Variants in FKBP5 observed in about 807,000 individuals in gnomAD.
The protein encoded by FKBP5 is peptidyl-prolyl cis-trans isomerase FKBP5.
FKBP5 carries 23 observed loss-of-function variants against 50.5 expected under a neutral mutation model. The ratio of observed to expected loss-of-function variants is 0.46; its 90% CI spans 0.33 to 0.65. The LOEUF is 0.65. Ranked by LOEUF, FKBP5 falls within the 30% of genes least tolerant of loss-of-function variation. FKBP5 has a pLI of 0.02. For synonymous variants in FKBP5, 176 were observed against 190.6 expected, an observed-to-expected ratio of 0.92 and a Z score of 0.63; for missense variants, 411 against 553.1, an observed-to-expected ratio of 0.74 and a Z score of 2.58.
chr6:35,692,917 C>T (rs147225648), upstream of FKBP5, among the ~76,000 whole-genome samples: 1,028 of 151,196 alleles, frequency 6.8e-3, 8 homozygotes, highest in African/African-American at 0.022. Flanking sequence ...TGTTCAAATA[C>T]GATTTCTGTC....
At chr6:35,707,575 G>T (rs141767310) in intron 2 of FKBP5, among the ~76,000 whole-genome samples, 1 of 151,986 alleles carries the variant, frequency 6.6e-6, no homozygotes, top group African/African-American at 2.4e-5. Context: ...AGGTTCAGGG[G>T]TACATGTGCA....
At position 35,628,979 on chromosome 6, in the gene FKBP5, A is replaced by C. The variant is rs140278394; in HGVS notation, c.250+8035T>G. Among the ~76,000 whole-genome samples the C allele has an allele frequency of 3.9e-3, 596 of 152,326 alleles. 5 individuals are homozygous for C. The highest frequency in any genetic ancestry group is 0.011 in the African/African-American group (472 of 41,568). ...TGATCTGCCCGCCTCGGCCTCCCAA[A>C]GTGCCGGGATTACAGGCATGAGCCA... On this transcript the variant is annotated intron_variant, in intron 3 of 10. Coordinates refer to ENST00000357266, the MANE Select transcript of FKBP5 (RefSeq NM_004117.4).
intron 5 of FKBP5, among the ~76,000 whole-genome samples, chr6:35,613,383 T>C (rs1054725484): frequency 6.6e-6 from 1 of 152,006 alleles, no homozygotes; most frequent in Non-Finnish European, 1.5e-5. Flanking sequence ...CCCAGCTAAT[T>C]GTTTGTATTT....
intron 3 of FKBP5, among the ~76,000 whole-genome samples, chr6:35,633,716 T>A (rs961960505): frequency 6.6e-6 from 1 of 152,134 alleles, no homozygotes; most frequent in Non-Finnish European, 1.5e-5. Context: ...AAGGGTCTCT[T>A]TGTGTTGGTA....
At chr6:35,608,416 G>A (rs931589722) in intron 5 of FKBP5, among the ~76,000 whole-genome samples, 2 of 152,174 alleles carry the variant, frequency 1.3e-5, no homozygotes, top group Non-Finnish European at 2.9e-5. Flanking sequence ...AAGGCAGCTG[G>A]TTGTGGTAGT....
intron 2 of FKBP5, among the ~76,000 whole-genome samples, chr6:35,702,822 A>C (rs1028756070): frequency 6.6e-6 from 1 of 152,150 alleles, no homozygotes; most frequent in African/African-American, 2.4e-5. Context: ...TACATGCAAA[A>C]CCAAAAGCTC....
At chr6:35,717,391 C>T (rs1766529949) in intron 2 of FKBP5, among the ~76,000 whole-genome samples, 1 of 152,158 alleles carries the variant, frequency 6.6e-6, no homozygotes. Flanking sequence ...CCCATGTATT[C>T]ATGTATGTGT....
intron 7 of FKBP5, among the ~76,000 whole-genome samples, chr6:35,589,716 A>C (rs1762754172): frequency 6.6e-6 from 1 of 152,226 alleles, no homozygotes; most frequent in Non-Finnish European, 1.5e-5. Flanking sequence ...CTCTCTCTTT[A>C]ACAATAAAAA....
intron 2 of FKBP5, among the ~76,000 whole-genome samples, chr6:35,641,021 C>T (rs1764470942): frequency 6.6e-6 from 1 of 152,198 alleles, no homozygotes; most frequent in African/African-American, 2.4e-5. Context: ...CACTCTCACC[C>T]AGGCTAGAAT....
intron 1 of FKBP5, among the ~76,000 whole-genome samples, chr6:35,647,138 T>C (rs558155938): frequency 3.5e-4 from 53 of 152,278 alleles, no homozygotes; most frequent in African/African-American, 1.2e-3. Flanking sequence ...AAAACAAAGC[T>C]AAGAGACCAC....
intron 5 of FKBP5, among the ~76,000 whole-genome samples, chr6:35,600,140 TATA>T (rs1461258912): frequency 1.3e-5 from 2 of 152,248 alleles, no homozygotes; most frequent in Admixed American, 6.5e-5. Context: ...GATATGGAAT[TATA>T]ATCTCACGGG....
chr6:35,722,611 T>C (rs1444758975), intron 1 of FKBP5, among the ~76,000 whole-genome samples: 4 of 152,210 alleles, frequency 2.6e-5, no homozygotes, highest in Admixed American at 1.3e-4. Context: ...CTGCACTCCA[T>C]GTCCAGCCAG....
chr6:35,690,438 C>G (rs531631512), upstream of FKBP5, among the ~76,000 whole-genome samples: 2 of 151,698 alleles, frequency 1.3e-5, no homozygotes, highest in South Asian at 4.2e-4. Flanking sequence ...GCACTCCAGC[C>G]TGGGCAACAA....
rs563000544 is a variant in FKBP5, at chr6:35,632,479, T to C, written c.250+4535A>G. Among the ~76,000 whole-genome samples the C allele has an allele frequency of 4.6e-5, 7 of 152,224 alleles. No individual in the cohort carries two copies. In the South Asian group the frequency reaches 1.4e-3, roughly 32 times the overall value. ...TGTTAGGCTGAATGCTAGGCGATGG[T>C]GTACATTATCTTAATCCTCAACATA... On this transcript the variant is annotated intron_variant, in intron 3 of 10. Coordinates refer to ENST00000357266, the MANE Select transcript of FKBP5 (RefSeq NM_004117.4).
At chr6:35,589,617 C>G (rs1762750929) in intron 7 of FKBP5, among the ~76,000 whole-genome samples, 1 of 152,076 alleles carries the variant, frequency 6.6e-6, no homozygotes, top group Non-Finnish European at 1.5e-5. Flanking sequence ...GTCCACTGGG[C>G]CACGAGAAGG....
At chr6:35,599,652 G>T (rs1469703798) in intron 5 of FKBP5, among the ~76,000 whole-genome samples, 1 of 152,126 alleles carries the variant, frequency 6.6e-6, no homozygotes, top group Non-Finnish European at 1.5e-5. Flanking sequence ...ACTAGAAAGG[G>T]CCTAACTCTT....
chr6:35,614,365 C>T (rs918585200), intron 5 of FKBP5, among the ~76,000 whole-genome samples: 1 of 152,050 alleles, frequency 6.6e-6, no homozygotes, highest in South Asian at 2.1e-4. Context: ...TTGAGTATAT[C>T]GTTTTTTATA....
chr6:35,624,364 C>T (rs1418844700), intron 3 of FKBP5, among the ~76,000 whole-genome samples: 20 of 151,988 alleles, frequency 1.3e-4, no homozygotes, highest in East Asian at 1.9e-4. Flanking sequence ...TGGCCGGGCA[C>T]GGTGGCTCAC....
chr6:35,642,885 T>C (rs1290860525), intron 1 of FKBP5, 42 bp from the exon 2 acceptor site: 2 of 1,417,210 alleles, frequency 1.4e-6, no homozygotes, highest in East Asian at 2.3e-5. Flanking sequence ...AAATATCACT[T>C]CTTTATGAAT....
Sources: gnomAD v4.1 joint callset for allele counts (sites outside exome capture counted in the v4.1 genomes callset) on GRCh38, gnomAD v4.1.1 for gene constraint, MANE v1.5 for transcripts, NCBI Gene and HGNC (gene_info 2026-07-23, HGNC 2026-07-21) for gene names.